The following CEP162 variants were observed in gnomAD, a reference collection of about 807,000 sequenced individuals.
CEP162 encodes the protein centrosomal protein of 162 kDa.
CEP162 carries 141 observed loss-of-function variants against 169.2 expected under a neutral mutation model. The observed-to-expected ratio is 0.83, with a 90% CI of 0.73 to 0.96. CEP162 has a LOEUF of 0.96. CEP162 is among the 40% of genes least tolerant of loss of function. CEP162 has a pLI of 0.00. For missense variants in CEP162, 1,600 were observed against 1,587.2 expected, an observed-to-expected ratio of 1.01 and a Z score of -0.14; for synonymous variants, 540 against 526.4, an observed-to-expected ratio of 1.03 and a Z score of -0.35.
chr6:84,136,810 A>G (rs938112206), intron 25 of CEP162, among the ~76,000 whole-genome samples: 3 of 152,248 alleles, frequency 2.0e-5, no homozygotes, highest in Non-Finnish European at 2.9e-5. Flanking sequence ...GGCTATGTAC[A>G]GATAACTTTT....
chr6:84,178,345 AAAAT>A (rs1188261841), intron 13 of CEP162, among the ~76,000 whole-genome samples: 1 of 152,184 alleles, frequency 6.6e-6, no homozygotes, highest in Non-Finnish European at 1.5e-5. Context: ...GGTTAGCTTC[AAAAT>A]AAAAAGAGAG....
At chr6:84,206,925 C>A (rs1270210768) in intron 6 of CEP162, among the ~76,000 whole-genome samples, 1 of 152,300 alleles carries the variant, frequency 6.6e-6, no homozygotes, top group East Asian at 1.9e-4. Context: ...TGAATAGATA[C>A]TTCTCAAAAG....
rs1324033211 is a variant in CEP162, at chr6:84,215,903, C to G, written c.192G>C (p.Val64=). ...AAGTCTTCTTTGTTTTCAAATAGCT[C>G]ACATTTGTTCCAAGAAGTCCTAGGT... ...FKDDGLLGTN[V]SYLKTKKTSQ... The change falls in exon 4 of 27, where the codon GTG becomes GTC. Residue 64 remains valine, a synonymous_variant. Coordinates refer to ENST00000403245, the MANE Select transcript of CEP162 (RefSeq NM_014895.4). 1 of 1,568,928 alleles carries G rather than the reference C, an allele frequency of 6.4e-7. No homozygotes were observed. Among genetic ancestry groups the G allele is most frequent in the Non-Finnish European group, 8.6e-7 (1 of 1,156,176 alleles).
chr6:84,161,877 C>A lies in CEP162; in HGVS notation c.2545G>T (p.Glu849Ter). 6.4e-7 allele frequency: 1 copy of A among 1,560,964 alleles called. No individual in the cohort carries two copies. Among genetic ancestry groups the A allele is most frequent in the Non-Finnish European group, 8.7e-7 (1 of 1,147,128 alleles). Residue 849 changes from glutamate to a stop codon, truncating the protein, a stop_gained, in exon 20 of 27, where the codon GAA becomes TAA. Coordinates refer to ENST00000403245, the MANE Select transcript of CEP162 (RefSeq NM_014895.4). LOFTEE classifies it high-confidence loss of function. ...CGACTGATTTCTTGTTTATGTGTTTCTTCTAAAATTTTTATTTCATATAAT... is the reference window on the plus strand; with the variant it reads ...CGACTGATTTCTTGTTTATGTGTTTATTCTAAAATTTTTATTTCATATAAT... Reference protein sequence around the residue: ...EKLYEIKILEETHKQEISRLQ... With the variant: ...EKLYEIKILE
chr6:84,226,220 G>A, intron 2 of CEP162, 117 bp downstream of exon 2: 1 of 700,854 alleles, frequency 1.4e-6, no homozygotes, highest in Non-Finnish European at 2.5e-6. Flanking sequence ...AGGGCTAGAG[G>A]GATGATGGGA....
At chr6:84,223,172 A>T (rs2099554391) in intron 2 of CEP162, among the ~76,000 whole-genome samples, 1 of 152,122 alleles carries the variant, frequency 6.6e-6, no homozygotes, top group Admixed American at 6.5e-5. Flanking sequence ...CAGCACTTTC[A>T]TTAATTATTT....
At position 84,215,833 on chromosome 6, in the gene CEP162, G is replaced by T; in HGVS notation, c.262C>A (p.Gln88Lys). 6.3e-7 allele frequency: 1 copy of T among 1,587,936 alleles called. No homozygotes were observed. Among genetic ancestry groups the T allele is most frequent in the Non-Finnish European group, 8.6e-7 (1 of 1,165,358 alleles). Residue 88 changes from glutamine to lysine, a missense_variant, in exon 4 of 27, where the codon CAA becomes AAA. By Grantham distance (53) the Gln-to-Lys change is moderately conservative (BLOSUM62 1). Coordinates refer to ENST00000403245, the MANE Select transcript of CEP162 (RefSeq NM_014895.4). ...EIEEESAEKI[Q>K]FLKSSGTSLL... ...GAGGTTCCACTGCTCTTAAGAAATT[G>T]AATCTTTTCAGCAGACTCCTCTTCT... is the stretch of plus-strand genomic sequence containing the variant.
intron 25 of CEP162, among the ~76,000 whole-genome samples, chr6:84,139,062 T>C (rs1193031901): frequency 6.6e-6 from 1 of 152,228 alleles, no homozygotes; most frequent in East Asian, 1.9e-4. Context: ...GATGTGCAGC[T>C]TTCCTGGCCT....
chr6:84,215,385 A>T lies in CEP162; in HGVS notation c.400T>A (p.Phe134Ile). 6.2e-7 allele frequency: 1 copy of T among 1,609,510 alleles called. No homozygotes were observed. Among genetic ancestry groups the T allele is most frequent in the Non-Finnish European group, 8.5e-7 (1 of 1,177,410 alleles). The change falls in exon 5 of 27, where the codon TTT becomes ATT. Residue 134 changes from phenylalanine (F) to isoleucine (I), a missense_variant. Physicochemically the swap from Phe to Ile is conservative, Grantham distance 21. Transcript: ENST00000403245. Reference sequence around the variant, plus strand: ...AAGCCTTTCTCAAGCCTGGCAAAAAATTGTTCTTTCTCCTCTTGTTCTTCT... The same window carrying T: ...AAGCCTTTCTCAAGCCTGGCAAAAATTTGTTCTTTCTCCTCTTGTTCTTCT... ...TLEEQEEKEQ[F>I]FARLEKGLTS...
chr6:84,206,484 TAATA>T, intron 6 of CEP162, among the ~76,000 whole-genome samples: 1 of 152,338 alleles, frequency 6.6e-6, no homozygotes, highest in East Asian at 1.9e-4. Context: ...ATTCCTTATT[TAATA>T]AATGGTGCTG....
intron 11 of CEP162, among the ~76,000 whole-genome samples, chr6:84,187,600 T>C (rs2099537752): frequency 6.6e-6 from 1 of 152,198 alleles, no homozygotes; most frequent in Admixed American, 6.5e-5. Flanking sequence ...TTTTTCCCTT[T>C]AGAATGTGAG....
chr6:84,197,641 C>T (rs534283079), intron 9 of CEP162, among the ~76,000 whole-genome samples: 2 of 151,818 alleles, frequency 1.3e-5, no homozygotes, highest in Admixed American at 6.6e-5. Context: ...GGTGAAACCT[C>T]GTCTCCACTA....
chr6:84,225,743 A>G (rs2099555465), intron 2 of CEP162, among the ~76,000 whole-genome samples: 1 of 150,206 alleles, frequency 6.7e-6, no homozygotes, highest in South Asian at 2.1e-4. Context: ...AATTAAATAC[A>G]TACCAGATTA....
At position 84,195,077 on chromosome 6, in the gene CEP162, T is replaced by C. The variant is rs1200098995; in HGVS notation, c.836-2A>G. 6.4e-7 allele frequency: 1 copy of C among 1,561,354 alleles called. No individual in the cohort carries two copies. The highest frequency in any genetic ancestry group is 1.4e-5 in the African/African-American group (1 of 72,784). On this transcript the variant is annotated splice_acceptor_variant, in intron 9 of 26. Coordinates refer to ENST00000403245, the MANE Select transcript of CEP162 (RefSeq NM_014895.4). LOFTEE classifies it high-confidence loss of function. ...TACTGCTTTGTCCATAAGAAACACC[T>C]GTTGAAATAAACGTAATCACCAGAA...
intron 25 of CEP162, among the ~76,000 whole-genome samples, chr6:84,130,576 T>C (rs2099510927): frequency 6.6e-6 from 1 of 152,198 alleles, no homozygotes; most frequent in African/African-American, 2.4e-5. Context: ...TCTTCCTCGT[T>C]TAGACTTGGG....
intron 11 of CEP162, among the ~76,000 whole-genome samples, chr6:84,193,399 GC>G (rs1196807348): frequency 6.6e-6 from 1 of 152,128 alleles, no homozygotes; most frequent in Admixed American, 6.5e-5. Context: ...CTATTTAGTG[GC>G]CCCAGTTTTT....
chr6:84,155,843 T>C lies in CEP162; in HGVS notation c.2782-333A>G, dbSNP rs563000300. Among the ~76,000 whole-genome samples the C allele has an allele frequency of 1.8e-3, 267 of 152,158 alleles. 1 individual carries two copies. The highest frequency in any genetic ancestry group is 5.7e-3 in the African/African-American group (235 of 41,546). ...CAAATTCAATTCAATCCCTATCAAA[T>C]TACCAAAGTCATTTTTCACAGAATT... On this transcript the variant is annotated intron_variant, in intron 21 of 26. Coordinates refer to ENST00000403245, the MANE Select transcript of CEP162 (RefSeq NM_014895.4).
chr6:84,133,638 C>T (rs1264493412), intron 25 of CEP162, among the ~76,000 whole-genome samples: 1 of 152,200 alleles, frequency 6.6e-6, no homozygotes, highest in Admixed American at 6.5e-5. Context: ...GTGAGCAAGG[C>T]TCTGTGGGCA....
chr6:84,160,003 C>T (rs551478407), intron 21 of CEP162, among the ~76,000 whole-genome samples: 6 of 152,178 alleles, frequency 3.9e-5, no homozygotes, highest in African/African-American at 1.2e-4. Context: ...TAATTCTTTG[C>T]TTAGTTTTCC....
Sources: allele counts gnomAD v4.1 joint callset (sites outside exome capture counted in the v4.1 genomes callset), GRCh38; gene constraint gnomAD v4.1.1; transcripts MANE v1.5; gene names NCBI Gene and HGNC (gene_info 2026-07-23, HGNC 2026-07-21).